The following SLC9A9 variants were observed in gnomAD, a reference collection of about 807,000 sequenced individuals.
SLC9A9 encodes the protein sodium/hydrogen exchanger 9.
A neutral mutation model predicts 77.8 loss-of-function variants in SLC9A9; 62 were observed. That is an observed-to-expected ratio of 0.80 (90% CI 0.65 to 0.98). The LOEUF is 0.98. Ranked by LOEUF, SLC9A9 falls within the 50% of genes least tolerant of loss-of-function variation. The probability of loss-of-function intolerance (pLI) is 0.00; values close to 1 mark genes in which losing one functional copy is unlikely to be tolerated. For synonymous variants in SLC9A9, 320 were observed against 283.5 expected (o/e 1.13, Z -1.29); for missense variants, 775 against 774.9 (o/e 1.00, Z 0.00).
At chr3:143,681,714 C>T (rs10935500) in intron 5 of SLC9A9, among the ~76,000 whole-genome samples, 130,281 of 152,222 alleles carry the variant, frequency 0.86, 56,478 homozygotes, top group South Asian at 0.94. Flanking sequence ...AGTCTTCCTC[C>T]CTCAGGCTGC....
At chr3:143,429,604 C>T (rs143405455) in intron 12 of SLC9A9, among the ~76,000 whole-genome samples, 159 of 152,332 alleles carry the variant, frequency 1.0e-3, no homozygotes, top group Middle Eastern at 3.4e-3. Flanking sequence ...TCTCAGCAAG[C>T]CCACAGTCTA....
chr3:143,405,093 C>A (rs565202043), intron 12 of SLC9A9, among the ~76,000 whole-genome samples: 10 of 152,258 alleles, frequency 6.6e-5, no homozygotes, highest in African/African-American at 1.9e-4. Context: ...CACCTTTGGA[C>A]CCCCAGGCAT....
chr3:143,734,382 A>G (rs910767590), intron 4 of SLC9A9, among the ~76,000 whole-genome samples: 1 of 152,088 alleles, frequency 6.6e-6, no homozygotes, highest in Non-Finnish European at 1.5e-5. Flanking sequence ...TATAAAATGT[A>G]TAGAAAAAAA....
rs553886689 is a variant in SLC9A9, at chr3:143,423,272, CACACA to C, written c.1470-41163_1470-41159del. Among the ~76,000 whole-genome samples the C allele has an allele frequency of 1.3e-3, 195 of 151,416 alleles. 1 individual carries two copies. In the South Asian group the frequency reaches 0.019, roughly 15 times the overall value. On this transcript the variant is annotated intron_variant, in intron 12 of 15. Coordinates refer to ENST00000316549, the MANE Select transcript of SLC9A9 (RefSeq NM_173653.4). ...GTACACACACACACACACACACACA[CACACA>C]CACACACACACAGAGTTCCTAATTC...
At chr3:143,585,907 G>A (rs2037532900) in intron 6 of SLC9A9, among the ~76,000 whole-genome samples, 1 of 152,178 alleles carries the variant, frequency 6.6e-6, no homozygotes, top group Non-Finnish European at 1.5e-5. Flanking sequence ...TCTGCTTTGA[G>A]AGGGCTTTGG....
chr3:143,560,534 G>T (rs1417656650), intron 8 of SLC9A9, among the ~76,000 whole-genome samples: 2 of 151,822 alleles, frequency 1.3e-5, no homozygotes, highest in African/African-American at 4.8e-5. Flanking sequence ...TTCCAGAATT[G>T]ACATGGTTCT....
intron 12 of SLC9A9, among the ~76,000 whole-genome samples, chr3:143,438,840 C>T (rs973403265): frequency 6.6e-6 from 1 of 152,268 alleles, no homozygotes; most frequent in African/African-American, 2.4e-5. Flanking sequence ...CAGAGCCACA[C>T]CCCACCAACT....
At chr3:143,711,383 T>C (rs1394221445) in intron 4 of SLC9A9, among the ~76,000 whole-genome samples, 2 of 151,946 alleles carry the variant, frequency 1.3e-5, no homozygotes, top group Non-Finnish European at 1.5e-5. Context: ...TAAAGAACAA[T>C]AGAAGGTTTA....
chr3:143,328,863 C>G (rs1404164687), intron 14 of SLC9A9, among the ~76,000 whole-genome samples: 2 of 152,150 alleles, frequency 1.3e-5, no homozygotes, highest in African/African-American at 4.8e-5. Context: ...TAACACTGTC[C>G]TTGCCTATCT....
intron 5 of SLC9A9, among the ~76,000 whole-genome samples, chr3:143,661,265 T>A (rs2038974771): frequency 6.6e-6 from 1 of 152,228 alleles, no homozygotes; most frequent in Non-Finnish European, 1.5e-5. Context: ...TTCTAAAATT[T>A]CTACAATAAA....
chr3:143,634,215 C>A (rs912164356), intron 6 of SLC9A9, among the ~76,000 whole-genome samples: 1 of 151,866 alleles, frequency 6.6e-6, no homozygotes, highest in African/African-American at 2.4e-5. Flanking sequence ...ATGAAACTTT[C>A]CTGAAATCTA....
chr3:143,442,473 G>A (rs1195024288), intron 12 of SLC9A9, among the ~76,000 whole-genome samples: 1 of 152,130 alleles, frequency 6.6e-6, no homozygotes, highest in Non-Finnish European at 1.5e-5. Flanking sequence ...TGTAATCCCA[G>A]CACTTTGGGA....
At chr3:143,707,645 A>G (rs1032608664) in intron 4 of SLC9A9, among the ~76,000 whole-genome samples, 2 of 152,222 alleles carry the variant, frequency 1.3e-5, no homozygotes, top group East Asian at 1.9e-4. Flanking sequence ...GGGATAATCT[A>G]TTAGATATTC....
intron 5 of SLC9A9, among the ~76,000 whole-genome samples, chr3:143,689,903 G>T (rs569331149): frequency 6.6e-6 from 1 of 152,126 alleles, no homozygotes; most frequent in African/African-American, 2.4e-5. Flanking sequence ...AAAGGAGACA[G>T]GGAGAGAAGC....
intron 4 of SLC9A9, among the ~76,000 whole-genome samples, chr3:143,693,886 G>A (rs933107771): frequency 6.6e-6 from 1 of 152,110 alleles, no homozygotes; most frequent in African/African-American, 2.4e-5. Flanking sequence ...TGTTTAAAAT[G>A]AATACTGAAA....
intron 14 of SLC9A9, among the ~76,000 whole-genome samples, chr3:143,294,670 T>C (rs1433373716): frequency 6.6e-6 from 1 of 152,190 alleles, no homozygotes; most frequent in Non-Finnish European, 1.5e-5. Context: ...GCCTTGTGTA[T>C]GATAACTTCT....
chr3:143,442,785 A>G (rs1206457205), intron 12 of SLC9A9, among the ~76,000 whole-genome samples: 1 of 152,250 alleles, frequency 6.6e-6, no homozygotes, highest in Non-Finnish European at 1.5e-5. Context: ...AGAAAGTGAA[A>G]TGGGACTGGT....
intron 4 of SLC9A9, among the ~76,000 whole-genome samples, chr3:143,731,479 G>T (rs769679123): frequency 6.6e-6 from 1 of 152,122 alleles, no homozygotes; most frequent in African/African-American, 2.4e-5. Flanking sequence ...CAATTCTCCA[G>T]CTCCACAGCT....
intron 14 of SLC9A9, among the ~76,000 whole-genome samples, chr3:143,274,836 C>T (rs1044406826): frequency 5.3e-5 from 8 of 152,164 alleles, no homozygotes; most frequent in Non-Finnish European, 7.4e-5. Context: ...TTTGCCATAT[C>T]CTTGCATTCT....
Sources: gnomAD v4.1 joint callset for allele counts (sites outside exome capture counted in the v4.1 genomes callset) on GRCh38, gnomAD v4.1.1 for gene constraint, MANE v1.5 for transcripts, NCBI Gene and HGNC (gene_info 2026-07-23, HGNC 2026-07-21) for gene names.